ADGRB3: variants seen among roughly 807,000 people sequenced by gnomAD.
The protein encoded by ADGRB3 is adhesion G protein-coupled receptor B3.
In ADGRB3, 37 loss-of-function variants were observed where a neutral mutation model predicts 193.4. The observed-to-expected ratio is 0.19, with a 90% confidence interval of 0.15 to 0.25. ADGRB3 has a LOEUF of 0.25. ADGRB3 is among the 10% of genes least tolerant of loss of function. The probability of loss-of-function intolerance (pLI) is 1.00; values close to 1 mark genes in which losing one functional copy is unlikely to be tolerated. For missense variants in ADGRB3, 1,637 were observed against 1,852.9 expected (o/e 0.88, Z 2.14); for synonymous variants, 690 against 644.2 (o/e 1.07, Z -1.08).
At chr6:68,674,681 T>A (rs1769044905) in intron 3 of ADGRB3, among the ~76,000 whole-genome samples, 1 of 152,212 alleles carries the variant, frequency 6.6e-6, no homozygotes, top group South Asian at 2.1e-4. Context: ...CATGTTTAGA[T>A]GTGCTGAAAC....
Position 68,993,897 on chromosome 6 carries a change from A to G in ADGRB3, c.1864A>G (p.Ile622Val). 6.2e-7 allele frequency: 1 copy of G among 1,613,898 alleles called. No homozygotes were observed. Among genetic ancestry groups the G allele is most frequent in the Non-Finnish European group, 8.5e-7 (1 of 1,179,852 alleles). The change falls in exon 11 of 32, where the codon ATC (isoleucine) becomes GTC (valine). Residue 622 changes from isoleucine to valine, a missense_variant. Physicochemically the swap from Ile to Val is conservative, Grantham distance 29 (BLOSUM62 3). Transcript: ENST00000370598. ...YAGDLLMSVEILRNVTDTFKR... is the reference protein window; with the variant it reads ...YAGDLLMSVEVLRNVTDTFKR... ...AGGCGATCTTCTGATGTCTGTGGAG[A>G]TCCTGAGAAATGTGACAGACACATT...
chr6:68,677,008 T>G (rs1405336344), intron 3 of ADGRB3, among the ~76,000 whole-genome samples: 1 of 152,228 alleles, frequency 6.6e-6, no homozygotes, highest in Non-Finnish European at 1.5e-5. Context: ...TTCAATTGCA[T>G]TTTGCTGATT....
chr6:69,102,400 G>A (rs1458188838), intron 17 of ADGRB3, among the ~76,000 whole-genome samples: 5 of 152,192 alleles, frequency 3.3e-5, no homozygotes, highest in Non-Finnish European at 5.9e-5. Context: ...TTTCAAATAT[G>A]TGTATGTTTG....
At chr6:68,703,174 G>C (rs537212300) in intron 3 of ADGRB3, among the ~76,000 whole-genome samples, 1 of 152,240 alleles carries the variant, frequency 6.6e-6, no homozygotes, top group African/African-American at 2.4e-5. Context: ...CAACTCTACT[G>C]TATGTTTTAA....
chr6:68,645,468 C>T (rs1241614804), intron 3 of ADGRB3, among the ~76,000 whole-genome samples: 1 of 152,098 alleles, frequency 6.6e-6, no homozygotes, highest in Non-Finnish European at 1.5e-5. Flanking sequence ...AGGTGTGTCA[C>T]TTCCTTGAAA....
At chr6:69,189,052 C>T (rs1765129385) in intron 17 of ADGRB3, among the ~76,000 whole-genome samples, 1 of 152,200 alleles carries the variant, frequency 6.6e-6, no homozygotes, top group Non-Finnish European at 1.5e-5. Flanking sequence ...TCCACACAAT[C>T]ACTCTGTGAA....
At chr6:68,848,235 A>G (rs1464328449) in intron 3 of ADGRB3, among the ~76,000 whole-genome samples, 3 of 152,132 alleles carry the variant, frequency 2.0e-5, no homozygotes, top group Non-Finnish European at 4.4e-5. Context: ...AATCTTTCAT[A>G]CTGGTTATTC....
intron 11 of ADGRB3, among the ~76,000 whole-genome samples, chr6:69,008,703 G>A (rs1225947849): frequency 6.6e-6 from 1 of 152,076 alleles, no homozygotes; most frequent in Non-Finnish European, 1.5e-5. Flanking sequence ...GGAAGAAGAG[G>A]CCCATTCCTT....
At chr6:68,954,586 G>T (rs1768018015) in intron 6 of ADGRB3, among the ~76,000 whole-genome samples, 1 of 151,898 alleles carries the variant, frequency 6.6e-6, no homozygotes, top group South Asian at 2.1e-4. Context: ...CATCATCACA[G>T]CTCAGATCCT....
At chr6:69,345,678 C>T (rs889865118) in intron 26 of ADGRB3, among the ~76,000 whole-genome samples, 29 of 152,146 alleles carry the variant, frequency 1.9e-4, no homozygotes, top group African/African-American at 6.3e-4. Flanking sequence ...GGAAGCATTC[C>T]CTTTGAAAAC....
At chr6:68,744,861 A>T (rs539644550) in intron 3 of ADGRB3, among the ~76,000 whole-genome samples, 1 of 152,208 alleles carries the variant, frequency 6.6e-6, no homozygotes, top group African/African-American at 2.4e-5. Flanking sequence ...CGTTCTGCAC[A>T]TGTACCCCAG....
At chr6:68,906,287 G>T (rs62416440) in intron 3 of ADGRB3, among the ~76,000 whole-genome samples, 89 of 151,582 alleles carry the variant, frequency 5.9e-4, no homozygotes, top group Non-Finnish European at 9.9e-4. Flanking sequence ...AAGCAAGAAG[G>T]TATACCACAT....
intron 20 of ADGRB3, among the ~76,000 whole-genome samples, chr6:69,245,730 A>T (rs118161121): frequency 3.9e-5 from 6 of 152,194 alleles, no homozygotes; most frequent in Non-Finnish European, 7.4e-5. Context: ...CATTAGAGAA[A>T]ACCCTGCTTA....
chr6:68,833,654 A>G (rs1444703306), intron 3 of ADGRB3, among the ~76,000 whole-genome samples: 1 of 151,674 alleles, frequency 6.6e-6, no homozygotes, highest in Non-Finnish European at 1.5e-5. Context: ...AGCTACATAT[A>G]ATTTAACATA....
At chr6:69,208,605 G>A (rs992221784) in intron 17 of ADGRB3, among the ~76,000 whole-genome samples, 7 of 152,162 alleles carry the variant, frequency 4.6e-5, no homozygotes, top group South Asian at 4.1e-4. Flanking sequence ...CCTGCATATC[G>A]TGCAGAACCA....
At position 68,639,107 on chromosome 6, in the gene ADGRB3, A is replaced by G. The variant is rs754370767; in HGVS notation, c.432A>G (p.Lys144=). 1.2e-6 allele frequency: 2 copies of G among 1,614,206 alleles called. No homozygotes were observed. The highest frequency in any genetic ancestry group is 1.1e-5 in the South Asian group (1 of 91,082). ...CTAATTTCCCAGGATTACAGAAAAA[A>G]GGGGAAGAAGATCAGAAATCTTTTT... ...FPTNFPGLQK[K]GEEDQKSFFE... is the part of the protein sequence containing the mutation. The change falls in exon 3 of 32, where the codon AAA becomes AAG. Residue 144 remains lysine (K), a synonymous_variant. Coordinates refer to ENST00000370598, the MANE Select transcript of ADGRB3 (RefSeq NM_001704.3).
chr6:68,724,600 TACTG>T (rs1765640459), intron 3 of ADGRB3, among the ~76,000 whole-genome samples: 1 of 151,342 alleles, frequency 6.6e-6, no homozygotes, highest in Non-Finnish European at 1.5e-5. Context: ...AAGAGTTCAC[TACTG>T]ACTATGTTTC....
At chr6:68,936,440 A>G in intron 4 of ADGRB3, 79 bp from the exon 5 acceptor site, 3 of 1,351,474 alleles carry the variant, frequency 2.2e-6, no homozygotes, top group Non-Finnish European at 3.0e-6. Context: ...CTTGCATGTC[A>G]TAATGTCAGT....
intron 31 of ADGRB3, among the ~76,000 whole-genome samples, chr6:69,385,323 G>T (rs1293400016): frequency 6.6e-6 from 1 of 151,866 alleles, no homozygotes; most frequent in African/African-American, 2.4e-5. Context: ...AGGAATCAAA[G>T]GAGAGAGGAA....
Sources: allele counts gnomAD v4.1 joint callset (sites outside exome capture counted in the v4.1 genomes callset), GRCh38; gene constraint gnomAD v4.1.1; transcripts MANE v1.5; gene names NCBI Gene and HGNC (gene_info 2026-07-23, HGNC 2026-07-21).